Variants in HS6ST3 observed in about 807,000 individuals in gnomAD.
HS6ST3 encodes the protein heparan sulfate 6-O-sulfotransferase 3, also known as heparan-sulfate 6-O-sulfotransferase 3.
Under a neutral mutation model 36.7 loss-of-function variants are expected in HS6ST3, and 12 were observed. The observed-to-expected ratio is 0.33, with a 90% CI of 0.21 to 0.53. The LOEUF (loss-of-function observed/expected upper bound fraction) is 0.53, where lower values mean the gene tolerates loss of function less well. Ranked by LOEUF, HS6ST3 falls within the 20% of genes least tolerant of loss-of-function variation. The probability of loss-of-function intolerance (pLI) is 0.95; values close to 1 mark genes in which losing one functional copy is unlikely to be tolerated. For synonymous variants in HS6ST3, 240 were observed against 257.5 expected, an observed-to-expected ratio of 0.93 and a Z score of 0.65; for missense variants, 584 against 640.9, an observed-to-expected ratio of 0.91 and a Z score of 0.96.
rs573794690 is a variant in HS6ST3, at chr13:96,622,084, G to C, written c.708-210406G>C. 9.9e-5 allele frequency among the ~76,000 whole-genome samples: 15 copies of C among 152,244 alleles called. No individual in the cohort carries two copies. The South Asian group carries it at 2.3e-3, about 23-fold the overall frequency. ...AAACTACACAGTTAAGATAAATGTA[G>C]AATGTTGTGTCCAGAAACCCCTTAT... is the stretch of plus-strand genomic sequence containing the variant. On this transcript the variant is annotated intron_variant, in intron 1 of 1. Transcript: ENST00000376705.
chr13:96,741,044 G>A (rs1876425819), intron 1 of HS6ST3, among the ~76,000 whole-genome samples: 2 of 152,128 alleles, frequency 1.3e-5, no homozygotes, highest in Admixed American at 1.3e-4. Context: ...ATAAACCCAC[G>A]AGGAGAAACA....
intron 1 of HS6ST3, among the ~76,000 whole-genome samples, chr13:96,265,747 A>C (rs1051889653): frequency 2.0e-5 from 3 of 152,116 alleles, no homozygotes; most frequent in Non-Finnish European, 4.4e-5. Context: ...ACTTGTTGTC[A>C]TGGTCTTTCT....
chr13:96,384,222 C>T (rs896814630), intron 1 of HS6ST3, among the ~76,000 whole-genome samples: 5 of 152,008 alleles, frequency 3.3e-5, no homozygotes, highest in African/African-American at 1.2e-4. Context: ...CAGACTCTGA[C>T]CACATATAAA....
chr13:96,146,497 A>G (rs1172505058), intron 1 of HS6ST3, among the ~76,000 whole-genome samples: 2 of 152,182 alleles, frequency 1.3e-5, no homozygotes, highest in African/African-American at 2.4e-5. Flanking sequence ...ATTTTTGCAC[A>G]TTGATTTTAA....
chr13:96,686,511 C>T (rs1417505503), intron 1 of HS6ST3, among the ~76,000 whole-genome samples: 2 of 151,894 alleles, frequency 1.3e-5, no homozygotes, highest in African/African-American at 2.4e-5. Context: ...CTTTGATCAT[C>T]GTTTTTTATT....
At chr13:96,563,469 T>C (rs1417422256) in intron 1 of HS6ST3, among the ~76,000 whole-genome samples, 1 of 152,198 alleles carries the variant, frequency 6.6e-6, no homozygotes, top group African/African-American at 2.4e-5. Flanking sequence ...ATTAGTCTTT[T>C]ATTTTTAAAA....
intron 1 of HS6ST3, among the ~76,000 whole-genome samples, chr13:96,270,880 C>CT (rs1234303189): frequency 6.6e-6 from 1 of 151,844 alleles, no homozygotes; most frequent in African/African-American, 2.4e-5. Context: ...TTCATATATG[C>CT]TTTTCCTTCC....
intron 1 of HS6ST3, among the ~76,000 whole-genome samples, chr13:96,738,002 C>A (rs1876330602): frequency 1.3e-5 from 2 of 152,170 alleles, no homozygotes; most frequent in Admixed American, 6.5e-5. Context: ...AGGATAATAT[C>A]CCCATTTTAA....
chr13:96,486,408 A>G (rs1040680283), intron 1 of HS6ST3, among the ~76,000 whole-genome samples: 1 of 152,110 alleles, frequency 6.6e-6, no homozygotes, highest in Non-Finnish European at 1.5e-5. Flanking sequence ...GTCAAATGGT[A>G]TTTCTAGTTC....
At chr13:96,392,551 C>A (rs1481141227) in intron 1 of HS6ST3, among the ~76,000 whole-genome samples, 2 of 152,188 alleles carry the variant, frequency 1.3e-5, no homozygotes, top group Non-Finnish European at 1.5e-5. Flanking sequence ...GAAAAAGTGA[C>A]ACATGATCTG....
At chr13:96,250,352 G>C (rs2054602320) in intron 1 of HS6ST3, among the ~76,000 whole-genome samples, 1 of 152,168 alleles carries the variant, frequency 6.6e-6, no homozygotes, top group Non-Finnish European at 1.5e-5. Context: ...TTGGAAAAAG[G>C]GTCTTTGTAG....
intron 1 of HS6ST3, among the ~76,000 whole-genome samples, chr13:96,580,891 G>C (rs932282660): frequency 6.6e-6 from 1 of 151,914 alleles, no homozygotes; most frequent in Non-Finnish European, 1.5e-5. Context: ...ATTGAAAATT[G>C]GATCTCTGAG....
intron 1 of HS6ST3, among the ~76,000 whole-genome samples, chr13:96,807,537 C>T (rs1464615952): frequency 6.6e-6 from 1 of 152,062 alleles, no homozygotes; most frequent in Non-Finnish European, 1.5e-5. Flanking sequence ...AGCCAAGAAA[C>T]ACCAACGATT....
At chr13:96,776,564 C>T (rs187217807) in intron 1 of HS6ST3, among the ~76,000 whole-genome samples, 1 of 152,254 alleles carries the variant, frequency 6.6e-6, no homozygotes. Context: ...CTATAAACAC[C>T]TCTACATAAA....
At chr13:96,793,683 G>C (rs537610444) in intron 1 of HS6ST3, among the ~76,000 whole-genome samples, 29 of 152,216 alleles carry the variant, frequency 1.9e-4, no homozygotes, top group Admixed American at 8.5e-4. Context: ...GGACTGCAGT[G>C]TGTGACCTGA....
chr13:96,323,463 T>G (rs2055014769), intron 1 of HS6ST3, among the ~76,000 whole-genome samples: 1 of 152,236 alleles, frequency 6.6e-6, no homozygotes. Context: ...TCTTCCTAAC[T>G]GCCCTCTTGA....
At chr13:96,343,826 T>C (rs565729630) in intron 1 of HS6ST3, among the ~76,000 whole-genome samples, 2 of 152,282 alleles carry the variant, frequency 1.3e-5, no homozygotes, top group South Asian at 4.1e-4. Context: ...CACTGCAACC[T>C]CCGCCTCCTG....
intron 1 of HS6ST3, among the ~76,000 whole-genome samples, chr13:96,272,191 A>G (rs1333626267): frequency 2.6e-5 from 4 of 152,156 alleles, no homozygotes; most frequent in African/African-American, 9.7e-5. Flanking sequence ...GTATTCTGAA[A>G]GTTAATGTAT....
At chr13:96,651,561 A>G (rs76477004) in intron 1 of HS6ST3, among the ~76,000 whole-genome samples, 269 of 152,104 alleles carry the variant, frequency 1.8e-3, no homozygotes, top group African/African-American at 6.4e-3. Flanking sequence ...CATCACTCGT[A>G]TTTCCCTATT....
Sources: allele counts gnomAD v4.1 joint callset (sites outside exome capture counted in the v4.1 genomes callset), GRCh38; gene constraint gnomAD v4.1.1; transcripts MANE v1.5; gene names NCBI Gene and HGNC (gene_info 2026-07-23, HGNC 2026-07-21).